The following PCDHA7 variants were observed in gnomAD, a reference collection of about 807,000 sequenced individuals.
PCDHA7 encodes protocadherin alpha-7.
In PCDHA7, 37 loss-of-function variants were observed where a neutral mutation model predicts 57.2. That is an observed-to-expected ratio of 0.65 (90% CI 0.50 to 0.85). PCDHA7 has a LOEUF of 0.85. Among genes scored for constraint, PCDHA7 ranks in the 40% least tolerant of loss-of-function variants. PCDHA7 has a pLI of 0.00. For missense variants in PCDHA7, 1,188 were observed against 1,241.8 expected (o/e 0.96, Z 0.65); for synonymous variants, 553 against 558.8 (o/e 0.99, Z 0.15).
At chr5:140,958,098 G>A (rs1170347696) in intron 1 of PCDHA7, among the ~76,000 whole-genome samples, 4 of 152,088 alleles carry the variant, frequency 2.6e-5, no homozygotes, top group South Asian at 2.1e-4. Context: ...ACAATAGTGT[G>A]TAGAGTGTGG....
chr5:140,873,246 T>C (rs1554166632), intron 1 of PCDHA7, among the ~76,000 whole-genome samples: 1 of 152,142 alleles, frequency 6.6e-6, no homozygotes, highest in African/African-American at 2.4e-5. Flanking sequence ...ATATAAAATA[T>C]TTCAGACTCA....
intron 1 of PCDHA7, chr5:140,968,131 G>A (rs1485866692): frequency 1.2e-6 from 2 of 1,614,042 alleles, no homozygotes; most frequent in African/African-American, 1.3e-5. Context: ...TGCGTACACT[G>A]AAGGTTGAGA....
rs782133089 is a variant in PCDHA7, at chr5:140,924,894, C to CAAAAA, written c.2356-54048_2356-54044dup. Among the ~76,000 whole-genome samples, 201 of 71,494 alleles carry CAAAAA rather than the reference C, an allele frequency of 2.8e-3. 5 individuals are homozygous for CAAAAA. In the East Asian group the frequency reaches 0.084, roughly 30 times the overall value. The allele number at this position is 71,494 out of a possible 152,430, so 46.9% of individuals were successfully genotyped here. On this transcript the variant is annotated intron_variant, in intron 1 of 3. Coordinates refer to ENST00000525929, the MANE Select transcript of PCDHA7 (RefSeq NM_018910.3). ...TGGGTGACAGAGCAAGAACCTGTCT[C>CAAAAA]AAAAAAAAAAATAAAATAAAATAAA...
At chr5:140,843,023 C>A (rs2150350362) in intron 1 of PCDHA7, 2 of 1,595,030 alleles carry the variant, frequency 1.3e-6, no homozygotes. Context: ...ACTGCTGGAG[C>A]CTCGGGTGGG....
Position 141,010,440 on chromosome 5 carries a change from A to G in PCDHA7, c.*503A>G, listed in dbSNP as rs1279403327. 3 of 984,540 alleles carry G rather than the reference A, an allele frequency of 3.0e-6. No individual in the cohort carries two copies. Among genetic ancestry groups the G allele is most frequent in the Admixed American group, 5.9e-5 (2 of 34,150 alleles). The allele number at this position is 984,540 out of a possible 1,614,324, so 61.0% of individuals were successfully genotyped here. On this transcript the variant is annotated 3_prime_UTR_variant, in exon 4 of 4. Transcript: ENST00000525929. The stretch of plus-strand genomic sequence containing the variant: ...CAAGGAAGGCAAGAAAACAAAGACA[A>G]ATAAACAGCGGAAGTTATCAGTATG...
At chr5:140,857,857 C>A (rs1415276512) in intron 1 of PCDHA7, 1 of 1,597,670 alleles carries the variant, frequency 6.3e-7, no homozygotes, top group Non-Finnish European at 8.6e-7. Flanking sequence ...CTGGATACAA[C>A]GCGTGGCTGT....
chr5:140,856,108 C>A, intron 1 of PCDHA7: 1 of 1,598,026 alleles, frequency 6.3e-7, no homozygotes, highest in African/African-American at 1.3e-5. Context: ...TTCTTCTCCT[C>A]GCAGCCTGGG....
chr5:140,853,170 C>G, intron 1 of PCDHA7: 1 of 964,208 alleles, frequency 1.0e-6, no homozygotes, highest in South Asian at 4.8e-5. Flanking sequence ...TGAGCCACCG[C>G]GCCTGGCCTA....
chr5:140,906,702 T>C (rs1315678574), intron 1 of PCDHA7, among the ~76,000 whole-genome samples: 2 of 152,232 alleles, frequency 1.3e-5, no homozygotes, highest in African/African-American at 2.4e-5. Context: ...GGGCCATTTG[T>C]AGTCCTGCCT....
chr5:140,863,564 A>G (rs1426185409), intron 1 of PCDHA7: 3 of 374,440 alleles, frequency 8.0e-6, no homozygotes, highest in Non-Finnish European at 1.6e-5. Context: ...ATTTTTGAGA[A>G]TATAAGTACT....
At chr5:140,874,354 T>C (rs1554167160) in intron 1 of PCDHA7, among the ~76,000 whole-genome samples, 5 of 152,214 alleles carry the variant, frequency 3.3e-5, no homozygotes, top group Non-Finnish European at 7.3e-5. Context: ...TGATCTTGAA[T>C]TAATGAATAA....
rs1554151505 is a variant in PCDHA7 at position 140,858,367 on chromosome 5, C to T, written c.2355+21629C>T. 1.8e-5 allele frequency: 28 copies of T among 1,590,300 alleles called. 2 individuals carry two copies. Among genetic ancestry groups the T allele is most frequent in the Non-Finnish European group, 2.3e-5 (27 of 1,162,754 alleles). On this transcript the variant is annotated intron_variant, in intron 1 of 3. Transcript: ENST00000525929. ...CGGACCTCATGGCCTTCAGCCCCAG[C>T]CTTCCACCATGCCCAATGGTAGATG...
At chr5:140,851,299 T>C (rs2042017269) in intron 1 of PCDHA7, 2 of 1,019,562 alleles carry the variant, frequency 2.0e-6, no homozygotes, top group East Asian at 1.2e-4. Flanking sequence ...AGCAAAAATA[T>C]ATAGCAATTG....
rs141789471 is a variant in PCDHA7, at chr5:140,838,199, C to T, written c.2355+1461C>T. Among the ~76,000 whole-genome samples, 332 of 149,502 alleles carry T rather than the reference C, an allele frequency of 2.2e-3. 4 individuals carry two copies. The highest frequency in any genetic ancestry group is 7.4e-3 in the African/African-American group (299 of 40,498). On this transcript the variant is annotated intron_variant, in intron 1 of 3. Transcript: ENST00000525929. Reference sequence around the variant, plus strand: ...TGCAATCTCAGCTCACTGCAAAATCCGCCTCTCTGGTACAAGCAGTTCTCA... The same window carrying T: ...TGCAATCTCAGCTCACTGCAAAATCTGCCTCTCTGGTACAAGCAGTTCTCA...
chr5:140,903,049 A>G (rs2069961526), intron 1 of PCDHA7, among the ~76,000 whole-genome samples: 1 of 152,080 alleles, frequency 6.6e-6, no homozygotes, highest in Non-Finnish European at 1.5e-5. Flanking sequence ...TTTTCATGTA[A>G]TGACTTCTTT....
Position 140,884,220 on chromosome 5 carries a change from T to G in PCDHA7, c.2355+47482T>G, listed in dbSNP as rs1469726535. 4 of 1,613,408 alleles carry G rather than the reference T, an allele frequency of 2.5e-6. No homozygotes were observed. The highest frequency in any genetic ancestry group is 3.4e-6 in the Non-Finnish European group (4 of 1,179,728). On this transcript the variant is annotated intron_variant, in intron 1 of 3. Transcript: ENST00000525929. ...CCGCACCACCGCCTTCTGGTGCTGG[T>G]GAAGGACCACGGTGAGCCCGCGCTG...
chr5:140,841,541 C>T, intron 1 of PCDHA7: 3 of 1,613,720 alleles, frequency 1.9e-6, no homozygotes, highest in Non-Finnish European at 2.5e-6. Context: ...ACACCGGGAC[C>T]TTCTGGAGGT....
At chr5:140,917,330 AG>A (rs1425400137) in intron 1 of PCDHA7, among the ~76,000 whole-genome samples, 1,705 of 103,254 alleles carry the variant, frequency 0.017, 125 homozygotes, top group African/African-American at 0.055. Context: ...GTGGCGGGGG[AG>A]GGGGGGGATG....
At chr5:140,944,028 A>T (rs1341498532) in intron 1 of PCDHA7, among the ~76,000 whole-genome samples, 1 of 152,222 alleles carries the variant, frequency 6.6e-6, no homozygotes, top group African/African-American at 2.4e-5. Context: ...TATCTTCAAA[A>T]TATGGAAAAC....
Sources: gnomAD v4.1 joint callset for allele counts (sites outside exome capture counted in the v4.1 genomes callset) on GRCh38, gnomAD v4.1.1 for gene constraint, MANE v1.5 for transcripts, NCBI Gene and HGNC (gene_info 2026-07-23, HGNC 2026-07-21) for gene names.